MYH16: variants seen among roughly 807,000 people sequenced by gnomAD.
The protein encoded by MYH16 is myosin heavy chain 16.
downstream of MYH16, among the ~76,000 whole-genome samples, chr7:99,307,949 T>C (rs2150841788): frequency 6.6e-6 from 1 of 152,038 alleles, no homozygotes; most frequent in South Asian, 2.1e-4. Flanking sequence ...CTCTTGACCT[T>C]GTGATCCACC....
intron 18 of MYH16, among the ~76,000 whole-genome samples, chr7:99,270,287 T>C: frequency 6.6e-6 from 1 of 151,452 alleles, no homozygotes; most frequent in Non-Finnish European, 1.5e-5. Flanking sequence ...GCCTTGGTTA[T>C]GGGCAACATA....
At chr7:99,247,965 T>C (rs1245604795) in intron 3 of MYH16, among the ~76,000 whole-genome samples, 1 of 152,166 alleles carries the variant, frequency 6.6e-6, no homozygotes, top group African/African-American at 2.4e-5. Flanking sequence ...GCACCAGCCC[T>C]ACCTCACACC....
At chr7:99,250,585 T>C (rs1791798034) in intron 5 of MYH16, among the ~76,000 whole-genome samples, 1 of 152,022 alleles carries the variant, frequency 6.6e-6, no homozygotes, top group South Asian at 2.1e-4. Context: ...TACAAAAAAC[T>C]TTAAAAATTA....
chr7:99,273,994 C>G (rs903244952), intron 20 of MYH16, among the ~76,000 whole-genome samples: 1 of 152,202 alleles, frequency 6.6e-6, no homozygotes, highest in Non-Finnish European at 1.5e-5. Context: ...AGATGGAGAG[C>G]GCCATACCAC....
At chr7:99,294,525 G>GA (rs1296367878) in intron 33 of MYH16, among the ~76,000 whole-genome samples, 2 of 84,312 alleles carry the variant, frequency 2.4e-5, no homozygotes, top group African/African-American at 5.5e-5. Flanking sequence ...AAAAAAAAAA[G>GA]AAAAAGAAAA....
intron 19 of MYH16, among the ~76,000 whole-genome samples, chr7:99,271,804 A>G (rs1792050378): frequency 6.6e-6 from 1 of 152,062 alleles, no homozygotes; most frequent in Non-Finnish European, 1.5e-5. Context: ...GGCTTGAGTG[A>G]TACTCCCACC....
exon 36 of MYH16, chr7:99,297,906 G>A (rs1239141119): frequency 2.2e-6 from 1 of 456,714 alleles, no homozygotes; most frequent in Admixed American, 2.3e-5. Flanking sequence ...AAGAGAGCAA[G>A]GTGATTCGAA....
At chr7:99,254,256 A>AAAAG (rs1563103377) in intron 8 of MYH16, 3 of 152,172 alleles carry the variant, frequency 2.0e-5, no homozygotes, top group African/African-American at 7.2e-5. Flanking sequence ...CTGAAGAAAA[A>AAAAG]AAAAGAAAAG....
exon 21 of MYH16, chr7:99,277,545 C>A (rs1392007022): frequency 2.2e-6 from 1 of 456,906 alleles, no homozygotes; most frequent in Non-Finnish European, 4.4e-6. Flanking sequence ...CCAGGTCAAG[C>A]CACTCCTGAA....
intron 3 of MYH16, chr7:99,248,960 A>G (rs1360780822): frequency 1.3e-5 from 2 of 152,446 alleles, no homozygotes; most frequent in Non-Finnish European, 2.9e-5. Flanking sequence ...TCCTAATTAC[A>G]CCTTCCTGTT....
chr7:99,250,879 C>T (rs1218077826), intron 5 of MYH16, among the ~76,000 whole-genome samples: 1 of 152,174 alleles, frequency 6.6e-6, no homozygotes. Flanking sequence ...CCCAGTGTCA[C>T]GGAGCCACAG....
In MYH16 at chr7:99,295,104, C is replaced by T. The variant is rs112912439; in HGVS notation, n.4282+954C>T. Among the ~76,000 whole-genome samples, 1,429 of 151,988 alleles carry T rather than the reference C, an allele frequency of 9.4e-3. 35 individuals are homozygous for T. The highest frequency in any genetic ancestry group is 0.033 in the African/African-American group (1,377 of 41,466). On this transcript the variant is annotated intron_variant and non_coding_transcript_variant, in intron 33 of 41. Coordinates refer to ENST00000439784, the Ensembl canonical transcript of MYH16. ...CTGAAAGTTACATAATACGGCCGGG[C>T]GCGGTGGCTCATGCCTGTAATTCTA...
At chr7:99,289,302 C>T (rs1332845191) in exon 30 of MYH16, 1 of 433,852 alleles carries the variant, frequency 2.3e-6, no homozygotes, top group African/African-American at 2.0e-5. Flanking sequence ...CGCCGAGGCC[C>T]ACGTCAGAAA....
At chr7:99,277,404 A>G in intron 20 of MYH16, 135 bp from the exon 3 acceptor site, 1 of 342,160 alleles carries the variant, frequency 2.9e-6, no homozygotes, top group South Asian at 2.3e-5. Flanking sequence ...CCCCACCCGC[A>G]GAGCTACAGC....
At chr7:99,285,543 G>A in intron 27 of MYH16, 105 bp downstream of exon 9, 1 of 425,536 alleles carries the variant, frequency 2.3e-6, no homozygotes. Flanking sequence ...GAGAAGGCAG[G>A]TGTCCAGCTA....
At chr7:99,256,436 T>C (rs1349030111) in intron 9 of MYH16, among the ~76,000 whole-genome samples, 1 of 151,806 alleles carries the variant, frequency 6.6e-6, no homozygotes, top group Non-Finnish European at 1.5e-5. Context: ...GCCACCGCAC[T>C]CTAGCCTGGG....
intron 34 of MYH16, among the ~76,000 whole-genome samples, chr7:99,297,155 G>A (rs981967066): frequency 2.0e-5 from 3 of 152,154 alleles, no homozygotes; most frequent in East Asian, 1.9e-4. Context: ...GAAATAGCCG[G>A]GTGTGATAGC....
chr7:99,286,788 ATCTC>A (rs1455620233), intron 28 of MYH16, among the ~76,000 whole-genome samples: 1 of 143,302 alleles, frequency 7.0e-6, no homozygotes, highest in Non-Finnish European at 1.5e-5. Context: ...GCAAAAGCCC[ATCTC>A]TCAAAAAAAA....
At chr7:99,292,414 C>T (rs773805229) in exon 32 of MYH16, 4 of 457,630 alleles carry the variant, frequency 8.7e-6, no homozygotes, top group African/African-American at 4.0e-5. Context: ...AGAGCTGCAG[C>T]GCCTCGTGTC....
Sources: gnomAD v4.1 joint callset for allele counts (sites outside exome capture counted in the v4.1 genomes callset) on GRCh38, gnomAD v4.1.1 for gene constraint, MANE v1.5 for transcripts, NCBI Gene and HGNC (gene_info 2026-07-23, HGNC 2026-07-21) for gene names.